The following GABRB1 variants were observed in gnomAD, a reference collection of about 807,000 sequenced individuals.
GABRB1 encodes gamma-aminobutyric acid type A receptor subunit beta1.
A neutral mutation model predicts 51.6 loss-of-function variants in GABRB1; 17 were observed. That is an observed-to-expected ratio of 0.33 (90% CI 0.23 to 0.49). The LOEUF (loss-of-function observed/expected upper bound fraction) is 0.49. Ranked by LOEUF, GABRB1 falls within the 20% of genes least tolerant of loss-of-function variation. The probability of loss-of-function intolerance (pLI) is 0.99; values close to 1 mark genes in which losing one functional copy is unlikely to be tolerated. For missense variants in GABRB1, 410 were observed against 600.6 expected (o/e 0.68, Z 3.32); for synonymous variants, 247 against 218.9 (o/e 1.13, Z -1.14).
chr4:47,414,454 T>C (rs1728852188), intron 8 of GABRB1, among the ~76,000 whole-genome samples: 1 of 152,220 alleles, frequency 6.6e-6, no homozygotes, highest in South Asian at 2.1e-4. Flanking sequence ...TTTGAGTTTC[T>C]GATTAGCATC....
At chr4:47,072,549 A>AT (rs1727383858) in intron 3 of GABRB1, among the ~76,000 whole-genome samples, 1 of 152,146 alleles carries the variant, frequency 6.6e-6, no homozygotes, top group Admixed American at 6.5e-5. Context: ...TTTTTTTCCT[A>AT]TAATATTTGG....
intron 3 of GABRB1, among the ~76,000 whole-genome samples, chr4:47,127,554 T>G (rs1716213131): frequency 6.6e-6 from 1 of 151,894 alleles, no homozygotes; most frequent in African/African-American, 2.4e-5. Flanking sequence ...ATTTAATTCA[T>G]TAGCCATTAA....
intron 3 of GABRB1, among the ~76,000 whole-genome samples, chr4:47,081,460 T>G (rs1387658394): frequency 6.6e-6 from 1 of 152,216 alleles, no homozygotes; most frequent in Non-Finnish European, 1.5e-5. Flanking sequence ...AAATATCAAA[T>G]GCATACATTT....
intron 1 of GABRB1, among the ~76,000 whole-genome samples, chr4:47,016,707 G>A (rs1724755721): frequency 6.6e-6 from 1 of 152,024 alleles, no homozygotes; most frequent in Non-Finnish European, 1.5e-5. Context: ...TCTTGCCTCA[G>A]CCTCCTGAGC....
At chr4:47,050,329 C>T (rs570074677) in intron 3 of GABRB1, among the ~76,000 whole-genome samples, 1 of 151,996 alleles carries the variant, frequency 6.6e-6, no homozygotes, top group Non-Finnish European at 1.5e-5. Flanking sequence ...AATCATCAGA[C>T]CAGTACATCA....
chr4:47,126,062 G>A (rs189469725), intron 3 of GABRB1, among the ~76,000 whole-genome samples: 81 of 151,638 alleles, frequency 5.3e-4, no homozygotes, highest in Non-Finnish European at 5.7e-4. Flanking sequence ...TGCATTGTAT[G>A]TGTGAATACA....
At position 47,426,101 on chromosome 4, in the gene GABRB1, GT is replaced by G; in HGVS notation, c.*86del. The G allele has an allele frequency of 1.8e-6, 2 of 1,110,286 alleles. No individual in the cohort carries two copies. The highest frequency in any genetic ancestry group is 4.9e-5 in the East Asian group (2 of 41,084). 68.8% of individuals were successfully genotyped at this position (1,110,286 alleles called of 1,614,324 possible). On this transcript the variant is annotated 3_prime_UTR_variant, in exon 9 of 9. Coordinates refer to ENST00000295454, the MANE Select transcript of GABRB1 (RefSeq NM_000812.4). ...ACAGGTCCCCAACAGCGATACTGCT[GT>G]TTCTCGAGGTAAGAGATTCAGCCAT...
intron 3 of GABRB1, 48 bp from the exon 4 acceptor site, chr4:47,161,201 T>C (rs1290008329): frequency 1.6e-6 from 2 of 1,216,430 alleles, no homozygotes; most frequent in African/African-American, 3.0e-5. Flanking sequence ...CCTTAGATGA[T>C]AATGATAGTA....
At chr4:47,045,617 G>A (rs887050136) in intron 3 of GABRB1, among the ~76,000 whole-genome samples, 1 of 151,846 alleles carries the variant, frequency 6.6e-6, no homozygotes, top group South Asian at 2.1e-4. Flanking sequence ...TCTGTTGAGG[G>A]GCTACTGCTT....
At chr4:47,313,964 T>C (rs986717608) in intron 4 of GABRB1, among the ~76,000 whole-genome samples, 4 of 152,104 alleles carry the variant, frequency 2.6e-5, no homozygotes, top group African/African-American at 9.6e-5. Flanking sequence ...ATGTGGAACA[T>C]ATATATTCCA....
chr4:47,195,442 AG>A (rs1719632910), intron 4 of GABRB1, among the ~76,000 whole-genome samples: 1 of 116,620 alleles, frequency 8.6e-6, no homozygotes, highest in African/African-American at 3.5e-5. Context: ...ATAGATAGAT[AG>A]ATGATAGATA....
chr4:47,358,771 G>C (rs1490996304), intron 5 of GABRB1, among the ~76,000 whole-genome samples: 2 of 152,138 alleles, frequency 1.3e-5, no homozygotes, highest in Non-Finnish European at 2.9e-5. Context: ...GCCCATAACA[G>C]TAGTAATTTC....
At chr4:47,353,931 T>C (rs560801826) in intron 5 of GABRB1, among the ~76,000 whole-genome samples, 36 of 151,780 alleles carry the variant, frequency 2.4e-4, no homozygotes, top group Non-Finnish European at 2.5e-4. Flanking sequence ...CCTGCCAACA[T>C]ACACACACAC....
intron 4 of GABRB1, among the ~76,000 whole-genome samples, chr4:47,256,309 C>T (rs1025767430): frequency 6.6e-6 from 1 of 152,314 alleles, no homozygotes; most frequent in East Asian, 1.9e-4. Context: ...CATATGTTTA[C>T]ATACATGCTA....
In GABRB1 at chr4:47,072,114, T is replaced by C. The variant is rs79071035; in HGVS notation, c.240+39630T>C. Among the ~76,000 whole-genome samples, 790 of 152,052 alleles carry C rather than the reference T, an allele frequency of 5.2e-3. 6 individuals carry two copies. Among genetic ancestry groups the C allele is most frequent in the African/African-American group, 0.018 (763 of 41,512 alleles). ...CTTGACTGGATAGAAAAAGAACATA[T>C]TTTCCTGGCTTGAAAAAGTTTCAAA... is the stretch of plus-strand genomic sequence containing the variant. On this transcript the variant is annotated intron_variant, in intron 3 of 8. Transcript: ENST00000295454.
chr4:47,020,345 A>G (rs1429866860), intron 1 of GABRB1, among the ~76,000 whole-genome samples: 2 of 152,178 alleles, frequency 1.3e-5, no homozygotes, highest in African/African-American at 4.8e-5. Context: ...AATTCAATTC[A>G]TACGAATAGT....
intron 4 of GABRB1, among the ~76,000 whole-genome samples, chr4:47,214,734 C>T (rs1216587429): frequency 6.6e-6 from 1 of 152,130 alleles, no homozygotes. Flanking sequence ...CCACATCAAC[C>T]ATAGTATCCT....
At chr4:47,014,735 A>C (rs1203443629) in intron 1 of GABRB1, among the ~76,000 whole-genome samples, 1 of 152,236 alleles carries the variant, frequency 6.6e-6, no homozygotes, top group Non-Finnish European at 1.5e-5. Context: ...TATGATTCTG[A>C]AGCAAGAGTT....
intron 3 of GABRB1, among the ~76,000 whole-genome samples, chr4:47,123,052 A>G (rs1028394175): frequency 2.6e-5 from 4 of 152,182 alleles, no homozygotes; most frequent in Non-Finnish European, 5.9e-5. Context: ...ATACAATGCA[A>G]TGAAAGCGAG....
Sources: allele counts gnomAD v4.1 joint callset (sites outside exome capture counted in the v4.1 genomes callset), GRCh38; gene constraint gnomAD v4.1.1; transcripts MANE v1.5; gene names NCBI Gene and HGNC (gene_info 2026-07-23, HGNC 2026-07-21).